FAM131B: variants seen among roughly 807,000 people sequenced by gnomAD.
FAM131B encodes the protein family with sequence similarity 131 member B, also known as protein FAM131B.
In FAM131B, 19 loss-of-function variants were observed where a neutral mutation model predicts 42.0. The ratio of observed to expected loss-of-function variants is 0.45; its 90% CI spans 0.32 to 0.66. FAM131B has a LOEUF of 0.66. Among genes scored for constraint, FAM131B ranks in the 30% least tolerant of loss-of-function variants. The pLI is 0.05. For missense variants in FAM131B, 370 were observed against 468.4 expected (o/e 0.79, Z 1.94); for synonymous variants, 183 against 177.6 (o/e 1.03, Z -0.24).
the FAM131B span, chr7:143,380,751 G>A: frequency 1.0e-6 from 1 of 985,274 alleles, no homozygotes; most frequent in Non-Finnish European, 1.2e-6. The surrounding 1 kb of genome is among the most constrained non-coding windows in gnomAD (Gnocchi z 5.0). Flanking sequence ...GGGGGTGCTG[G>A]GAGGGAGAAC....
At chr7:143,360,534 C>T in intron 1 of FAM131B, 4 of 452,150 alleles carry the variant, frequency 8.8e-6, no homozygotes, top group Non-Finnish European at 1.2e-5. Flanking sequence ...GAACTTTTCT[C>T]TATGCTTAGG....
Position 143,355,539 on chromosome 7 carries a change from A to G in FAM131B, c.*1011T>C, listed in dbSNP as rs1312569218. 3 of 152,648 alleles carry G rather than the reference A, an allele frequency of 2.0e-5. No individual in the cohort carries two copies. The highest frequency in any genetic ancestry group is 1.9e-4 in the East Asian group (1 of 5,180). 9.5% of individuals were successfully genotyped at this position (152,648 alleles called of 1,614,324 possible). A position where few individuals can be genotyped will look rare whatever the true frequency, so the allele number is the denominator to read the frequency against. On this transcript the variant is annotated 3_prime_UTR_variant, in exon 7 of 7. Transcript: ENST00000443739. The surrounding 1 kb of genome is among the most constrained non-coding windows in gnomAD (Gnocchi z 4.1). Reference sequence around the variant, plus strand: ...CACTCCACTCAACCCTGAGTGCCCAAGAAGTTATAAAAATGTAGAAAAGGC... The same window carrying G: ...CACTCCACTCAACCCTGAGTGCCCAGGAAGTTATAAAAATGTAGAAAAGGC...
the FAM131B span, among the ~76,000 whole-genome samples, chr7:143,372,141 G>T: frequency 6.6e-6 from 1 of 152,296 alleles, no homozygotes; most frequent in Non-Finnish European, 1.5e-5. Flanking sequence ...ACGTAGAAAG[G>T]TCAGATGGCA....
the FAM131B span, among the ~76,000 whole-genome samples, chr7:143,375,189 G>T: frequency 6.6e-6 from 1 of 152,188 alleles, no homozygotes; most frequent in Non-Finnish European, 1.5e-5. Flanking sequence ...CCTTGATCTA[G>T]AGTGAGCTTT....
chr7:143,360,231 C>T (rs150245659), intron 1 of FAM131B, 82 bp from the exon 2 acceptor site: 43 of 1,539,332 alleles, frequency 2.8e-5, no homozygotes, highest in Non-Finnish European at 3.4e-5. Flanking sequence ...CCTTCACACC[C>T]CTTCCTTACC....
At chr7:143,375,339 T>C in the FAM131B span, among the ~76,000 whole-genome samples, 2 of 152,160 alleles carry the variant, frequency 1.3e-5, no homozygotes, top group Admixed American at 1.3e-4. Flanking sequence ...CACGACTGTC[T>C]TCTGGTAGCA....
At chr7:143,377,766 T>C in the FAM131B span, among the ~76,000 whole-genome samples, 1 of 152,186 alleles carries the variant, frequency 6.6e-6, no homozygotes, top group South Asian at 2.1e-4. Context: ...CAGGCTGGTA[T>C]GCAGTGGTGC....
rs1262735596 is a variant in FAM131B, at chr7:143,355,940, T to G, written c.*610A>C. 1 of 154,462 alleles carries G rather than the reference T, an allele frequency of 6.5e-6. No homozygotes were observed. The highest frequency in any genetic ancestry group is 2.4e-5 in the African/African-American group (1 of 41,380). The allele number at this position is 154,462 out of a possible 1,614,324, so 9.6% of individuals were successfully genotyped here. A position where few individuals can be genotyped will look rare whatever the true frequency, so the allele number is the denominator to read the frequency against. On this transcript the variant is annotated 3_prime_UTR_variant, in exon 7 of 7. Transcript: ENST00000443739. The surrounding 1 kb of genome is among the most constrained non-coding windows in gnomAD (Gnocchi z 4.1). ...GATCTCAGCTGCCACATCCACCTCC[T>G]CCTCGACTCCTGATCTCAGAAGCCA...
At chr7:143,377,009 G>A in the FAM131B span, among the ~76,000 whole-genome samples, 6 of 151,938 alleles carry the variant, frequency 3.9e-5, no homozygotes, top group Admixed American at 1.3e-4. Context: ...CGCATTCCTC[G>A]CCCAGGATGG....
chr7:143,381,099 C>T, the FAM131B span: 1 of 630,992 alleles, frequency 1.6e-6, no homozygotes, highest in Non-Finnish European at 1.9e-6. Context: ...GCTGGGGCGG[C>T]GGGGGCGGCA....
rs1803678250 is a variant in FAM131B at position 143,356,798 on chromosome 7, G to A, written c.835C>T (p.Pro279Ser). 3 of 1,614,150 alleles carry A rather than the reference G, an allele frequency of 1.9e-6. No homozygotes were observed. Among genetic ancestry groups the A allele is most frequent in the Non-Finnish European group, 2.5e-6 (3 of 1,180,030 alleles). The change falls in exon 7 of 7, where the codon CCT becomes TCT. Residue 279 changes from proline (P) to serine (S), a missense_variant. Coordinates refer to ENST00000443739, the MANE Select transcript of FAM131B (RefSeq NM_001031690.3). The surrounding 1 kb of genome is among the most constrained non-coding windows in gnomAD (Gnocchi z 4.4). ...CAGTCAGTGTCTCCCCCCAGCAAAGGTGGAGGCTCCAGAGCAGAGTATCCT... is the reference window on the plus strand; with the variant it reads ...CAGTCAGTGTCTCCCCCCAGCAAAGATGGAGGCTCCAGAGCAGAGTATCCT... Reference protein sequence around the residue: ...ASGYSALEPPPLLGGDTDWAP... With the variant: ...ASGYSALEPPSLLGGDTDWAP...
the FAM131B span, chr7:143,380,143 G>A: frequency 1.0e-6 from 1 of 985,010 alleles, no homozygotes; most frequent in Non-Finnish European, 1.2e-6. This position sits in a 1 kb window ranked among gnomAD's most constrained non-coding sequence, Gnocchi z 5.0. Context: ...GCGCCTACGG[G>A]TGCATACTGG....
rs1458931422 is a variant in FAM131B at position 143,356,760 on chromosome 7, T to C, written c.873A>G (p.Val291=). The part of the protein sequence containing the change: ...LGGDTDWAPG[V]GAVDLARGPA... The stretch of plus-strand genomic sequence containing the variant: ...GGCCCCTTGCCAGGTCCACTGCGCC[T>C]ACCCCCGGAGCCCAGTCAGTGTCTC... The change falls in exon 7 of 7, where the codon GTA becomes GTG. Residue 291 remains valine, a synonymous_variant. Transcript: ENST00000443739. The surrounding 1 kb of genome is among the most constrained non-coding windows in gnomAD (Gnocchi z 4.4). 3.1e-6 allele frequency: 5 copies of C among 1,613,990 alleles called. No individual in the cohort carries two copies. The highest frequency in any genetic ancestry group is 2.2e-5 in the East Asian group (1 of 44,888).
rs1803833065 is a variant in FAM131B at position 143,359,225 on chromosome 7, G to A, written c.268+101C>T. ...AGAAGGGTGAATAGGTCAGGGGGTG[G>A]GGATGAGGGTCTTCATCAACCTCGA... On this transcript the variant is annotated intron_variant, in intron 4 of 6. Transcript: ENST00000443739. This position sits in a 1 kb window ranked among gnomAD's most constrained non-coding sequence, Gnocchi z 5.4. 10 of 1,054,168 alleles carry A rather than the reference G, an allele frequency of 9.5e-6. No individual in the cohort carries two copies. The highest frequency in any genetic ancestry group is 1.3e-5 in the Non-Finnish European group (9 of 694,594). The allele number at this position is 1,054,168 out of a possible 1,614,324, so 65.3% of individuals were successfully genotyped here. A position where few individuals can be genotyped will look rare whatever the true frequency, so the allele number is the denominator to read the frequency against.
upstream of FAM131B, among the ~76,000 whole-genome samples, chr7:143,364,916 T>A (rs912374860): frequency 2.0e-5 from 3 of 152,158 alleles, no homozygotes; most frequent in Non-Finnish European, 2.9e-5. Context: ...AAGACACTTA[T>A]CCCATTTTGA....
intron 2 of FAM131B, 33 bp downstream of exon 2, chr7:143,360,007 C>T: frequency 6.6e-7 from 1 of 1,513,660 alleles, no homozygotes; most frequent in Non-Finnish European, 9.2e-7. Flanking sequence ...GTGCAGGCAG[C>T]CAGAGACTTG....
chr7:143,361,986 T>TGCCCCCCC, intron 1 of FAM131B: 1 of 887,174 alleles, frequency 1.1e-6, no homozygotes, highest in Non-Finnish European at 1.3e-6. Flanking sequence ...CCCGGGCTCA[T>TGCCCCCCC]CCCGCCCCCG....
chr7:143,372,264 T>C, the FAM131B span, among the ~76,000 whole-genome samples: 1 of 152,210 alleles, frequency 6.6e-6, no homozygotes, highest in Non-Finnish European at 1.5e-5. Flanking sequence ...AGAATTGGAC[T>C]CAGCCCAGGC....
At chr7:143,363,485 G>A (rs1475401538), upstream of FAM131B, among the ~76,000 whole-genome samples, 1 of 152,142 alleles carries the variant, frequency 6.6e-6, no homozygotes, top group Non-Finnish European at 1.5e-5. Context: ...TGATCTTCTC[G>A]GACAAATGAA....
Sources: allele counts gnomAD v4.1 joint callset (sites outside exome capture counted in the v4.1 genomes callset), GRCh38; gene constraint gnomAD v4.1.1; non-coding constraint Gnocchi (gnomAD v3.1); transcripts MANE v1.5; gene names NCBI Gene and HGNC (gene_info 2026-07-23, HGNC 2026-07-21).